Variants in RFX7 observed in about 807,000 individuals in gnomAD.
RFX7 encodes DNA-binding protein RFX7.
In RFX7, 26 loss-of-function variants were observed where a neutral mutation model predicts 111.8. The ratio of observed to expected loss-of-function variants is 0.23; its 90% CI spans 0.17 to 0.32. The LOEUF is 0.32. Among genes scored for constraint, RFX7 ranks in the 10% least tolerant of loss-of-function variants. RFX7 has a pLI of 1.00. For synonymous variants in RFX7, 624 were observed against 624.4 expected (o/e 1.00, Z 0.01); for missense variants, 1,573 against 1,772.9 (o/e 0.89, Z 2.02).
chr15:56,187,794 T>C (rs531222229), intron 2 of RFX7, among the ~76,000 whole-genome samples: 1 of 152,196 alleles, frequency 6.6e-6, no homozygotes, highest in African/African-American at 2.4e-5. Flanking sequence ...AAAAATAAAG[T>C]TGGGGTTTGA....
At chr15:56,226,717 T>C (rs1300637252) in intron 2 of RFX7, among the ~76,000 whole-genome samples, 1 of 152,224 alleles carries the variant, frequency 6.6e-6, no homozygotes, top group East Asian at 1.9e-4. Context: ...TGCTATTTAA[T>C]AAAAGTGGGA....
intron 3 of RFX7, among the ~76,000 whole-genome samples, chr15:56,178,874 A>G (rs1433996716): frequency 6.6e-6 from 1 of 152,186 alleles, no homozygotes; most frequent in African/African-American, 2.4e-5. Flanking sequence ...TAATTCCTAC[A>G]GGCTGCCAAC....
At chr15:56,153,922 C>T (rs58084889) in intron 3 of RFX7, among the ~76,000 whole-genome samples, 19,815 of 152,194 alleles carry the variant, frequency 0.13, 1,691 homozygotes, top group East Asian at 0.44. Context: ...TCTCCTTAAT[C>T]TGATAAGCAA....
intron 2 of RFX7, among the ~76,000 whole-genome samples, chr15:56,201,772 T>G (rs573217173): frequency 4.6e-5 from 7 of 152,324 alleles, no homozygotes; most frequent in South Asian, 4.1e-4. Flanking sequence ...GGCTCATGCC[T>G]GTAATCCCAG....
At chr15:56,216,825 T>C (rs1402751468) in intron 2 of RFX7, among the ~76,000 whole-genome samples, 1 of 152,172 alleles carries the variant, frequency 6.6e-6, no homozygotes, top group Non-Finnish European at 1.5e-5. Context: ...ATTTCTTCTT[T>C]CTTTTTTAAA....
intron 5 of RFX7, among the ~76,000 whole-genome samples, chr15:56,138,994 C>T (rs1294093234): frequency 8.2e-4 from 125 of 152,004 alleles, no homozygotes; most frequent in Non-Finnish European, 1.3e-3. Context: ...CGCTGTTAGT[C>T]TGATGGGCTT....
intron 8 of RFX7, 149 bp downstream of exon 8, chr15:56,101,210 C>T (rs2041747445): frequency 3.2e-6 from 2 of 630,006 alleles, no homozygotes; most frequent in Non-Finnish European, 5.6e-6. Context: ...CTCAACAGAC[C>T]CATCTGAATT....
At chr15:56,221,242 G>C (rs2043423641) in intron 2 of RFX7, among the ~76,000 whole-genome samples, 1 of 152,122 alleles carries the variant, frequency 6.6e-6, no homozygotes, top group Admixed American at 6.5e-5. Context: ...GATACAAATA[G>C]CACTGAATCT....
intron 2 of RFX7, among the ~76,000 whole-genome samples, chr15:56,190,589 C>G (rs1323410205): frequency 6.6e-6 from 1 of 152,192 alleles, no homozygotes; most frequent in Non-Finnish European, 1.5e-5. Flanking sequence ...AAAGCATTCC[C>G]TAATAAAGCA....
At chr15:56,108,770 G>C (rs1294225459) in intron 5 of RFX7, among the ~76,000 whole-genome samples, 1 of 152,132 alleles carries the variant, frequency 6.6e-6, no homozygotes, top group Non-Finnish European at 1.5e-5. Context: ...TCTGTCTGTA[G>C]ACAACATGAT....
intron 3 of RFX7, among the ~76,000 whole-genome samples, chr15:56,164,009 CTGA>C (rs1595980201): frequency 6.6e-6 from 1 of 152,138 alleles, no homozygotes; most frequent in East Asian, 1.9e-4. Flanking sequence ...TAAGAAAAAT[CTGA>C]TGAGGTAAAA....
intron 5 of RFX7, among the ~76,000 whole-genome samples, chr15:56,111,451 A>G (rs1383655045): frequency 1.3e-5 from 2 of 151,190 alleles, no homozygotes; most frequent in African/African-American, 4.8e-5. Context: ...TGAAGGCAGC[A>G]TGCTCGTTAA....
intron 3 of RFX7, among the ~76,000 whole-genome samples, chr15:56,156,022 A>G (rs7167598): frequency 0.037 from 5,655 of 152,134 alleles, 430 homozygotes; most frequent in African/African-American, 0.13. Flanking sequence ...GTCAGCTCTA[A>G]TAAGTTTACT....
intron 5 of RFX7, among the ~76,000 whole-genome samples, chr15:56,110,314 A>T (rs1332807072): frequency 4.3e-4 from 2 of 4,690 alleles, no homozygotes; most frequent in Admixed American, 2.2e-3. Context: ...TCCGGGAGGG[A>T]GGTGGGGGGG....
chr15:56,192,008 C>G (rs1375102730), intron 2 of RFX7, among the ~76,000 whole-genome samples: 1 of 152,152 alleles, frequency 6.6e-6, no homozygotes, highest in African/African-American at 2.4e-5. Flanking sequence ...TACTCTCACT[C>G]TCACTCTCAG....
At chr15:56,100,357 A>G (rs775215846) in intron 8 of RFX7, among the ~76,000 whole-genome samples, 20 of 152,222 alleles carry the variant, frequency 1.3e-4, no homozygotes, top group Non-Finnish European at 1.8e-4. Flanking sequence ...TGCAGACAGG[A>G]AAAACTCTGT....
chr15:56,206,087 T>C (rs1478641040), intron 2 of RFX7, among the ~76,000 whole-genome samples: 6 of 152,100 alleles, frequency 3.9e-5, no homozygotes, highest in African/African-American at 1.2e-4. Flanking sequence ...CTTCTGAGTA[T>C]GTATCAAAAA....
At chr15:56,243,315 A>G in intron 1 of RFX7, 28 bp from the exon 2 acceptor site, 1 of 1,037,054 alleles carries the variant, frequency 9.6e-7, no homozygotes. Context: ...GGAGGGAGGG[A>G]AAGATGGGGG....
chr15:56,186,790 A>C (rs2043044501), intron 2 of RFX7, among the ~76,000 whole-genome samples: 1 of 152,124 alleles, frequency 6.6e-6, no homozygotes, highest in Admixed American at 6.5e-5. Flanking sequence ...AAATTCCACC[A>C]CTACAACCAA....
Sources: allele counts gnomAD v4.1 joint callset (sites outside exome capture counted in the v4.1 genomes callset), GRCh38; gene constraint gnomAD v4.1.1; transcripts MANE v1.5; gene names NCBI Gene and HGNC (gene_info 2026-07-23, HGNC 2026-07-21).